The following CDYL2 variants were observed in gnomAD, a reference collection of about 807,000 sequenced individuals.
The protein encoded by CDYL2 is chromodomain Y-like protein 2.
Under a neutral mutation model 49.4 loss-of-function variants are expected in CDYL2, and 23 were observed. That is an observed-to-expected ratio of 0.47 (90% CI 0.34 to 0.66). CDYL2 has a LOEUF of 0.66. Among genes scored for constraint, CDYL2 ranks in the 30% least tolerant of loss-of-function variants. The pLI, the probability that CDYL2 is intolerant of heterozygous loss-of-function variation, is 0.01. For missense variants in CDYL2, 678 were observed against 656.4 expected (o/e 1.03, Z -0.36); for synonymous variants, 360 against 268.8 (o/e 1.34, Z -3.32).
intron 1 of CDYL2, among the ~76,000 whole-genome samples, chr16:80,783,382 C>T (rs1055872792): frequency 6.6e-5 from 10 of 152,060 alleles, no homozygotes; most frequent in Admixed American, 2.6e-4. Flanking sequence ...TTGGCAAGGA[C>T]GCAAACTAAA....
At chr16:80,667,239 T>C (rs1001861499) in intron 2 of CDYL2, among the ~76,000 whole-genome samples, 14 of 152,062 alleles carry the variant, frequency 9.2e-5, no homozygotes, top group African/African-American at 3.4e-4. Flanking sequence ...CTTCCATCTA[T>C]CTGGTTCTTA....
intron 1 of CDYL2, among the ~76,000 whole-genome samples, chr16:80,727,804 C>T (rs1905212659): frequency 1.3e-5 from 2 of 152,196 alleles, no homozygotes; most frequent in South Asian, 4.1e-4. Flanking sequence ...AACCCCCGAG[C>T]AGCCTAACTG....
At chr16:80,670,542 T>C (rs1017443325) in intron 2 of CDYL2, among the ~76,000 whole-genome samples, 7 of 152,104 alleles carry the variant, frequency 4.6e-5, no homozygotes, top group Admixed American at 2.0e-4. Context: ...CATTAGCAAC[T>C]TGAGAATGGA....
At chr16:80,696,454 A>G (rs1053703145) in intron 1 of CDYL2, among the ~76,000 whole-genome samples, 1 of 152,124 alleles carries the variant, frequency 6.6e-6, no homozygotes, top group African/African-American at 2.4e-5. Context: ...TATAAAATCA[A>G]CAAACCATTA....
At chr16:80,758,618 C>G (rs1906398999) in intron 1 of CDYL2, among the ~76,000 whole-genome samples, 1 of 149,422 alleles carries the variant, frequency 6.7e-6, no homozygotes, top group African/African-American at 2.5e-5. Flanking sequence ...TCTCCGCTCA[C>G]TGCAAGCTCT....
Position 80,597,926 on chromosome 16 carries a change from C to T in CDYL2, c.*6462G>A, listed in dbSNP as rs1463910147. 6.6e-6 allele frequency: 1 copy of T among 152,186 alleles called. No individual in the cohort carries two copies. The highest frequency in any genetic ancestry group is 2.4e-5 in the African/African-American group (1 of 41,434). The allele number at this position is 152,186 out of a possible 1,614,324, so 9.4% of individuals were successfully genotyped here. A position where few individuals can be genotyped will look rare whatever the true frequency, so the allele number is the denominator to read the frequency against. ...CAGACGAAGTTTCAACCTTTTTATT[C>T]AAAGCAGCTTCTCACAATGTATAAA... is the stretch of plus-strand genomic sequence containing the variant. On this transcript the variant is annotated 3_prime_UTR_variant, in exon 7 of 7. Coordinates refer to ENST00000570137, the MANE Select transcript of CDYL2 (RefSeq NM_152342.4).
At chr16:80,743,465 C>G (rs558792135) in intron 1 of CDYL2, among the ~76,000 whole-genome samples, 5 of 141,004 alleles carry the variant, frequency 3.5e-5, no homozygotes, top group African/African-American at 1.0e-4. Context: ...TCAGCTCTAA[C>G]AGAAGTAGCA....
At chr16:80,625,960 G>T (rs1261290410) in intron 3 of CDYL2, among the ~76,000 whole-genome samples, 1 of 152,026 alleles carries the variant, frequency 6.6e-6, no homozygotes, top group Non-Finnish European at 1.5e-5. Context: ...TCAAGAAAAA[G>T]AAACTATATT....
chr16:80,693,037 T>G (rs1407287067), intron 1 of CDYL2, among the ~76,000 whole-genome samples: 1 of 149,826 alleles, frequency 6.7e-6, no homozygotes, highest in East Asian at 2.0e-4. Flanking sequence ...ACAGGCATTA[T>G]GCTGAATGAA....
At chr16:80,660,572 C>T (rs1396696345) in intron 2 of CDYL2, among the ~76,000 whole-genome samples, 1 of 151,934 alleles carries the variant, frequency 6.6e-6, no homozygotes, top group African/African-American at 2.4e-5. Context: ...GAACAGAGAA[C>T]AAGAATGGGT....
At chr16:80,724,663 C>A (rs1361326656) in intron 1 of CDYL2, among the ~76,000 whole-genome samples, 1 of 152,198 alleles carries the variant, frequency 6.6e-6, no homozygotes, top group Non-Finnish European at 1.5e-5. Context: ...TACACACATG[C>A]ATTTGTGTAC....
chr16:80,668,012 C>T (rs923636464), intron 2 of CDYL2, among the ~76,000 whole-genome samples: 3 of 152,200 alleles, frequency 2.0e-5, no homozygotes, highest in African/African-American at 7.2e-5. Flanking sequence ...AGATGCTCAC[C>T]CACATTTAGA....
chr16:80,684,013 A>C (rs1910073175), intron 2 of CDYL2, among the ~76,000 whole-genome samples: 1 of 152,250 alleles, frequency 6.6e-6, no homozygotes, highest in African/African-American at 2.4e-5. Flanking sequence ...CAGAAGGACA[A>C]GAGGCTCCAG....
intron 1 of CDYL2, among the ~76,000 whole-genome samples, chr16:80,756,336 A>T (rs527236705): frequency 3.5e-4 from 53 of 152,038 alleles, no homozygotes; most frequent in African/African-American, 1.1e-3. Context: ...TTTAAAGAAA[A>T]TGAGAAAACA....
intron 1 of CDYL2, among the ~76,000 whole-genome samples, chr16:80,782,315 T>C (rs564288100): frequency 6.6e-6 from 1 of 151,546 alleles, no homozygotes; most frequent in Admixed American, 6.6e-5. Flanking sequence ...TCTGAATAGA[T>C]CTGTAACATG....
chr16:80,765,170 T>C (rs1298428444), intron 1 of CDYL2, among the ~76,000 whole-genome samples: 1 of 145,404 alleles, frequency 6.9e-6, no homozygotes, highest in Non-Finnish European at 1.5e-5. Flanking sequence ...ATATATATAA[T>C]ATATTATATA....
At chr16:80,749,820 A>C (rs1397850335) in intron 1 of CDYL2, among the ~76,000 whole-genome samples, 3 of 152,332 alleles carry the variant, frequency 2.0e-5, no homozygotes, top group African/African-American at 7.2e-5. Context: ...ACAATAGCAA[A>C]GACTTGGAAC....
In CDYL2 at chr16:80,604,175, G is replaced by T; in HGVS notation, c.*213C>A. The T allele has an allele frequency of 3.4e-6, 2 of 592,494 alleles. No individual in the cohort carries two copies. The highest frequency in any genetic ancestry group is 6.0e-6 in the Non-Finnish European group (2 of 334,978). The allele number at this position is 592,494 out of a possible 1,614,324, so 36.7% of individuals were successfully genotyped here. On this transcript the variant is annotated 3_prime_UTR_variant, in exon 7 of 7. Transcript: ENST00000570137. ...CTTGGACAGCTCTCTGGCCAGGAAG[G>T]GCAGGGAGGTGGGGGAGGCCAAGTA...
intron 1 of CDYL2, among the ~76,000 whole-genome samples, chr16:80,760,594 C>T (rs571587352): frequency 1.3e-5 from 2 of 151,622 alleles, no homozygotes; most frequent in African/African-American, 4.9e-5. Flanking sequence ...TCTCGTATAC[C>T]CCATAAATAT....
Sources: allele counts gnomAD v4.1 joint callset (sites outside exome capture counted in the v4.1 genomes callset), GRCh38; gene constraint gnomAD v4.1.1; transcripts MANE v1.5; gene names NCBI Gene and HGNC (gene_info 2026-07-23, HGNC 2026-07-21).